TMCO1: variants seen among roughly 807,000 people sequenced by gnomAD.
TMCO1 encodes the protein calcium load-activated calcium channel.
TMCO1 carries 29 observed loss-of-function variants against 29.3 expected under a neutral mutation model. The observed-to-expected ratio is 0.99, with a 90% CI of 0.74 to 1.35. The LOEUF is 1.35. Among genes scored for constraint, TMCO1 ranks in the 40% most tolerant of loss-of-function variants. TMCO1 has a pLI of 0.00. For missense variants in TMCO1, 173 were observed against 225.5 expected, an observed-to-expected ratio of 0.77 and a Z score of 1.49; for synonymous variants, 80 against 77.1, an observed-to-expected ratio of 1.04 and a Z score of -0.20.
chr1:165,763,998 T>C (rs1385422668), intron 2 of TMCO1, among the ~76,000 whole-genome samples: 1 of 152,216 alleles, frequency 6.6e-6, no homozygotes, highest in Non-Finnish European at 1.5e-5. Context: ...AGTAAATAAT[T>C]AAAGACAAGG....
At chr1:165,725,763 A>G (rs1650861179), downstream of TMCO1, 1 of 455,230 alleles carries the variant, frequency 2.2e-6, no homozygotes, top group Non-Finnish European at 4.4e-6. Context: ...GTAGCCCTTA[A>G]TAACTCCTTG....
At chr1:165,745,569 C>T (rs1416948346) in intron 5 of TMCO1, among the ~76,000 whole-genome samples, 1 of 151,764 alleles carries the variant, frequency 6.6e-6, no homozygotes, top group Non-Finnish European at 1.5e-5. Context: ...ATCACTTGAG[C>T]CCAGCAGGTT....
At chr1:165,743,438 G>T in intron 5 of TMCO1, 127 bp from the exon 6 acceptor site, 1 of 952,054 alleles carries the variant, frequency 1.1e-6, no homozygotes, top group Non-Finnish European at 1.6e-6. Context: ...AAGAGAGGGT[G>T]ACATGCTAAA....
chr1:165,768,395 T>G, intron 1 of TMCO1, 126 bp from the exon 2 acceptor site: 2 of 1,500,008 alleles, frequency 1.3e-6, no homozygotes, highest in Non-Finnish European at 1.8e-6. Flanking sequence ...GTTAACTTTT[T>G]TCAAAGGCTA....
At chr1:165,753,116 G>A (rs899650506) in intron 4 of TMCO1, among the ~76,000 whole-genome samples, 5 of 152,238 alleles carry the variant, frequency 3.3e-5, no homozygotes, top group Middle Eastern at 3.4e-3. Flanking sequence ...GAGGAAATTG[G>A]TAGTGAAATC....
At chr1:165,734,429 G>A (rs954308158) in intron 6 of TMCO1, among the ~76,000 whole-genome samples, 1 of 152,096 alleles carries the variant, frequency 6.6e-6, no homozygotes, top group Non-Finnish European at 1.5e-5. Context: ...GGGTTGACTA[G>A]ATCAATCATT....
At chr1:165,743,740 G>A (rs926338684) in intron 5 of TMCO1, among the ~76,000 whole-genome samples, 4 of 151,606 alleles carry the variant, frequency 2.6e-5, no homozygotes, top group Non-Finnish European at 5.9e-5. Flanking sequence ...TGCAACCTTC[G>A]CCTCCCGGGT....
At chr1:165,738,118 C>A (rs983665592) in intron 6 of TMCO1, among the ~76,000 whole-genome samples, 1 of 152,166 alleles carries the variant, frequency 6.6e-6, no homozygotes, top group Non-Finnish European at 1.5e-5. Flanking sequence ...CATGGTGAAA[C>A]CCTGTCTCTA....
chr1:165,744,790 C>CAAA (rs558392976), intron 5 of TMCO1, among the ~76,000 whole-genome samples: 19 of 103,898 alleles, frequency 1.8e-4, no homozygotes, highest in Non-Finnish European at 2.8e-4. Flanking sequence ...AACTCCATCT[C>CAAA]AAAAAAAAAA....
chr1:165,747,778 A>C (rs550046398), intron 5 of TMCO1, among the ~76,000 whole-genome samples: 25 of 152,202 alleles, frequency 1.6e-4, no homozygotes, highest in Non-Finnish European at 3.2e-4. Flanking sequence ...ACTAGCTTGG[A>C]GACCTTGAGC....
At chr1:165,743,601 G>C (rs1651683044) in intron 5 of TMCO1, among the ~76,000 whole-genome samples, 1 of 152,012 alleles carries the variant, frequency 6.6e-6, no homozygotes, top group Non-Finnish European at 1.5e-5. Flanking sequence ...TTGTGTTTCT[G>C]TAGCTTATAG....
intron 6 of TMCO1, among the ~76,000 whole-genome samples, chr1:165,734,594 C>G (rs1416424717): frequency 1.1e-4 from 16 of 152,138 alleles, no homozygotes; most frequent in Admixed American, 1.0e-3. Flanking sequence ...ACCTCCACCA[C>G]CTCCTGAGTT....
At chr1:165,729,122 A>G (rs1433483721) in intron 6 of TMCO1, among the ~76,000 whole-genome samples, 1 of 151,182 alleles carries the variant, frequency 6.6e-6, no homozygotes, top group African/African-American at 2.4e-5. Flanking sequence ...AAAAAAAAAA[A>G]AAAAACCAGT....
intron 5 of TMCO1, among the ~76,000 whole-genome samples, chr1:165,748,765 T>C (rs2101803665): frequency 6.6e-6 from 1 of 152,306 alleles, no homozygotes; most frequent in East Asian, 1.9e-4. Context: ...TGGACAAATA[T>C]ATAATAACAT....
chr1:165,737,077 G>A (rs1651418674), intron 6 of TMCO1, among the ~76,000 whole-genome samples: 1 of 152,160 alleles, frequency 6.6e-6, no homozygotes, highest in Admixed American at 6.5e-5. Flanking sequence ...CCTAAATGCT[G>A]AACAGGCATG....
chr1:165,739,954 T>C (rs566898163), intron 6 of TMCO1, among the ~76,000 whole-genome samples: 1 of 151,582 alleles, frequency 6.6e-6, no homozygotes, highest in South Asian at 2.1e-4. Context: ...CTACTAAAAA[T>C]ATAAAGGGTT....
downstream of TMCO1, chr1:165,726,346 G>T: frequency 1.5e-6 from 1 of 678,398 alleles, no homozygotes; most frequent in Non-Finnish European, 2.7e-6. Context: ...TGACTACTTT[G>T]TAATAAGGAG....
At chr1:165,729,314 T>A (rs935511128) in intron 6 of TMCO1, among the ~76,000 whole-genome samples, 1 of 133,376 alleles carries the variant, frequency 7.5e-6, no homozygotes, top group African/African-American at 2.7e-5. Context: ...TTTGTTCTCA[T>A]AATTCTTTTT....
chr1:165,725,975 A>T (rs1383767042), downstream of TMCO1: 1 of 676,400 alleles, frequency 1.5e-6, no homozygotes, highest in Admixed American at 2.0e-5. Flanking sequence ...TAATTTGTAT[A>T]TGAAAACCTG....
Sources: gnomAD v4.1 joint callset for allele counts (sites outside exome capture counted in the v4.1 genomes callset) on GRCh38, gnomAD v4.1.1 for gene constraint, MANE v1.5 for transcripts, NCBI Gene and HGNC (gene_info 2026-07-23, HGNC 2026-07-21) for gene names.